The following MARK2 variants were observed in gnomAD, a reference collection of about 807,000 sequenced individuals.
The protein encoded by MARK2 is microtubule affinity regulating kinase 2.
A neutral mutation model predicts 89.8 loss-of-function variants in MARK2; 16 were observed. The observed-to-expected ratio is 0.18, with a 90% confidence interval of 0.12 to 0.27. The LOEUF (loss-of-function observed/expected upper bound fraction) is 0.27. Ranked by LOEUF, MARK2 falls within the 10% of genes least tolerant of loss-of-function variation. The pLI, the probability that MARK2 is intolerant of heterozygous loss-of-function variation, is 1.00. For synonymous variants in MARK2, 382 were observed against 399.5 expected, an observed-to-expected ratio of 0.96 and a Z score of 0.52; for missense variants, 621 against 1,049.9, an observed-to-expected ratio of 0.59 and a Z score of 5.65.
chr11:63,842,451 G>A (rs1225014750), intron 1 of MARK2, among the ~76,000 whole-genome samples: 5 of 151,914 alleles, frequency 3.3e-5, no homozygotes, highest in African/African-American at 7.3e-5. Context: ...TCCTGTCCTC[G>A]TGATCCGGCC....
At position 63,839,279 on chromosome 11, in the gene MARK2, C is replaced by G; in HGVS notation, c.-228C>G. The G allele has an allele frequency of 3.2e-6, 1 of 309,458 alleles. No individual in the cohort carries two copies. Among genetic ancestry groups the G allele is most frequent in the Non-Finnish European group, 5.9e-6 (1 of 170,252 alleles). The allele number at this position is 309,458 out of a possible 1,614,324, so 19.2% of individuals were successfully genotyped here. A position where few individuals can be genotyped will look rare whatever the true frequency, so the allele number is the denominator to read the frequency against. ...CGGCCGAAAGGCGGCACAGCCCAGC[C>G]GGGGGTCGGGGGGGTGCGGTCCGGA... is the stretch of plus-strand genomic sequence containing the variant. On this transcript the variant is annotated 5_prime_UTR_variant, in exon 1 of 19. Transcript: ENST00000402010.
In MARK2 at chr11:63,909,401, G is replaced by C. The variant is rs1056418146; in HGVS notation, c.*164G>C. The C allele has an allele frequency of 7.2e-6, 5 of 696,138 alleles. No individual in the cohort carries two copies. In the South Asian group the frequency reaches 1.1e-4, roughly 16 times the overall value. 43.1% of individuals were successfully genotyped at this position (696,138 alleles called of 1,614,324 possible). A position where few individuals can be genotyped will look rare whatever the true frequency, so the allele number is the denominator to read the frequency against. On this transcript the variant is annotated 3_prime_UTR_variant, in exon 19 of 19. Coordinates refer to ENST00000402010, the MANE Select transcript of MARK2 (RefSeq NM_001039469.3). ...TCAGTTTTCTCTTACATGTTTGTGG[G>C]GGGTGGGAGATTGTTCTCCAGCACC... is the stretch of plus-strand genomic sequence containing the variant.
chr11:63,859,050 G>T (rs764864715), intron 1 of MARK2, among the ~76,000 whole-genome samples: 1 of 149,660 alleles, frequency 6.7e-6, no homozygotes, highest in African/African-American at 2.4e-5. Flanking sequence ...TGAGGTTTGT[G>T]TTTTATTATG....
At chr11:63,894,826 A>G (rs1448849538) in intron 1 of MARK2, among the ~76,000 whole-genome samples, 2 of 152,236 alleles carry the variant, frequency 1.3e-5, no homozygotes, top group African/African-American at 4.8e-5. Context: ...CACAGGCAGC[A>G]TGGAGGGAGG....
intron 1 of MARK2, among the ~76,000 whole-genome samples, chr11:63,854,171 C>G (rs915898252): frequency 7.4e-6 from 1 of 135,620 alleles, no homozygotes; most frequent in African/African-American, 2.8e-5. Flanking sequence ...CCATGCCTGG[C>G]CAAGACTATT....
At chr11:63,880,029 A>G (rs1013587890) in intron 1 of MARK2, 1 of 152,182 alleles carries the variant, frequency 6.6e-6, no homozygotes, top group Non-Finnish European at 1.5e-5. Context: ...TATCCTCAGC[A>G]TACAAGCAAG....
chr11:63,846,328 G>A (rs935197561), intron 1 of MARK2, among the ~76,000 whole-genome samples: 1 of 151,900 alleles, frequency 6.6e-6, no homozygotes, highest in South Asian at 2.1e-4. Context: ...ACCAGCCTGA[G>A]CAACATAGTG....
Position 63,895,595 on chromosome 11 carries a change from A to T in MARK2, c.250A>T (p.Ile84Phe). The T allele has an allele frequency of 6.2e-7, 1 of 1,612,024 alleles. No individual in the cohort carries two copies. Among genetic ancestry groups the T allele is most frequent in the Non-Finnish European group, 8.5e-7 (1 of 1,179,738 alleles). ...LTGKEVAVKI[I>F]DKTQLNSSSL... ...TCATCCTCAGGTAGCTGTGAAGATC[A>T]TTGACAAGACTCAACTGAACTCCTC... Residue 84 changes from isoleucine to phenylalanine, a missense_variant, in exon 3 of 19, where the codon ATT (isoleucine) becomes TTT (phenylalanine). Transcript: ENST00000402010.
intron 1 of MARK2, among the ~76,000 whole-genome samples, chr11:63,850,254 T>A (rs1409640939): frequency 6.6e-6 from 1 of 152,020 alleles, no homozygotes; most frequent in Non-Finnish European, 1.5e-5. Context: ...GTTCAAGCGA[T>A]TCTCCTGCCT....
In MARK2 at chr11:63,881,398, A is replaced by G. The variant is rs531871939; in HGVS notation, c.55-13761A>G. Among the ~76,000 whole-genome samples the G allele has an allele frequency of 5.5e-4, 84 of 152,318 alleles. 1 individual carries two copies. The highest frequency in any genetic ancestry group is 1.9e-3 in the African/African-American group (81 of 41,580). On this transcript the variant is annotated intron_variant, in intron 1 of 18. Transcript: ENST00000402010. ...AACTTCAAGGGCAACGAATGCCTCG[A>G]AAGAGGGGAAATGGGGCTGGTAGCA...
Position 63,910,212 on chromosome 11 carries a change from C to A in MARK2, c.*975C>A. On this transcript the variant is annotated 3_prime_UTR_variant, in exon 19 of 19. Coordinates refer to ENST00000402010, the MANE Select transcript of MARK2 (RefSeq NM_001039469.3). ...TTGTCTGAAAGCACAGCCCCCTCGC[C>A]CTTCCTCTCCCCATGGCTTCCCCTT... The A allele has an allele frequency of 6.5e-6, 1 of 152,810 alleles. No homozygotes were observed. The highest frequency in any genetic ancestry group is 1.5e-5 in the Non-Finnish European group (1 of 68,394). The allele number at this position is 152,810 out of a possible 1,614,324, so 9.5% of individuals were successfully genotyped here.
At position 63,868,937 on chromosome 11, in the gene MARK2, T is replaced by C. The variant is rs1288300758; in HGVS notation, c.55-26222T>C. The stretch of plus-strand genomic sequence containing the variant: ...GAGGACCCAGATTTTCCTTTGAGCA[T>C]CTCAGAGCAGATCAGTCGCTTTTCC... On this transcript the variant is annotated intron_variant, in intron 1 of 18. Coordinates refer to ENST00000402010, the MANE Select transcript of MARK2 (RefSeq NM_001039469.3). 3 of 454,154 alleles carry C rather than the reference T, an allele frequency of 6.6e-6. No individual in the cohort carries two copies. In the Admixed American group the frequency reaches 7.1e-5, roughly 11 times the overall value. 28.1% of individuals were successfully genotyped at this position (454,154 alleles called of 1,614,324 possible).
intron 1 of MARK2, among the ~76,000 whole-genome samples, chr11:63,878,359 C>CTTTTTTTTTTTTTTTTTTTTTTT (rs59251368): frequency 1.4e-5 from 1 of 72,712 alleles, no homozygotes; most frequent in Non-Finnish European, 2.3e-5. Context: ...TTGTTCAAGT[C>CTTTTTTTTTTTTTTTTTTTTTTT]TTTTTTTTTT....
intron 1 of MARK2, among the ~76,000 whole-genome samples, chr11:63,852,029 C>T (rs983116547): frequency 3.9e-5 from 6 of 152,138 alleles, no homozygotes; most frequent in African/African-American, 1.2e-4. Flanking sequence ...AGGTGATGCA[C>T]GAAGTCAAAA....
chr11:63,848,818 C>A (rs1590964736), intron 1 of MARK2, among the ~76,000 whole-genome samples: 1 of 152,122 alleles, frequency 6.6e-6, no homozygotes, highest in African/African-American at 2.4e-5. Flanking sequence ...ACCTCGGCCT[C>A]CCAAAGTGCT....
At chr11:63,885,851 G>A (rs896546061) in intron 1 of MARK2, among the ~76,000 whole-genome samples, 1 of 150,632 alleles carries the variant, frequency 6.6e-6, no homozygotes, top group African/African-American at 2.4e-5. Context: ...AAAAGAGGCC[G>A]GGTGCAGTGG....
At chr11:63,899,324 T>A (rs368848925) in intron 7 of MARK2, among the ~76,000 whole-genome samples, 65 of 152,122 alleles carry the variant, frequency 4.3e-4, no homozygotes, top group Non-Finnish European at 6.9e-4. Flanking sequence ...GACCTCGGGT[T>A]CCATTCTAGC....
chr11:63,889,508 C>T (rs1402755018), intron 1 of MARK2, among the ~76,000 whole-genome samples: 2 of 152,240 alleles, frequency 1.3e-5, no homozygotes, highest in Non-Finnish European at 2.9e-5. Context: ...GCCCTGCCTA[C>T]CTGAGTCAGC....
rs966420280 is a variant in MARK2 at position 63,854,638 on chromosome 11, C to G, written c.54+15078C>G. Among the ~76,000 whole-genome samples the G allele has an allele frequency of 4.0e-5, 6 of 151,580 alleles. No homozygotes were observed. The South Asian group carries it at 1.3e-3, about 32-fold the overall frequency. ...TCACCTGAGGTAAGGAGTTCGAGAC[C>G]AGCCTGTCCAACATGGTGAAACCCT... On this transcript the variant is annotated intron_variant, in intron 1 of 18. Transcript: ENST00000402010.
Sources: allele counts gnomAD v4.1 joint callset (sites outside exome capture counted in the v4.1 genomes callset), GRCh38; gene constraint gnomAD v4.1.1; transcripts MANE v1.5; gene names NCBI Gene and HGNC (gene_info 2026-07-23, HGNC 2026-07-21).